Variants in CREBBP observed in about 807,000 individuals in gnomAD.
CREBBP encodes the protein CREB binding lysine acetyltransferase.
A neutral mutation model predicts 265.0 loss-of-function variants in CREBBP; 19 were observed. The ratio of observed to expected loss-of-function variants is 0.07; its 90% CI spans 0.05 to 0.11. The LOEUF (loss-of-function observed/expected upper bound fraction) is 0.11, where lower values mean the gene tolerates loss of function less well. CREBBP is among the 10% of genes least tolerant of loss of function. The pLI is 1.00. For synonymous variants in CREBBP, 1,457 were observed against 1,223.7 expected, an observed-to-expected ratio of 1.19 and a Z score of -3.98; for missense variants, 2,525 against 3,219.0, an observed-to-expected ratio of 0.78 and a Z score of 5.22.
rs1241067525 is a variant in CREBBP, at chr16:3,728,433, T to C, written c.6614A>G (p.Gln2205Arg). The C allele has an allele frequency of 1.2e-6, 2 of 1,612,184 alleles. No individual in the cohort carries two copies. The highest frequency in any genetic ancestry group is 1.7e-6 in the Non-Finnish European group (2 of 1,179,270). Residue 2205 changes from glutamine (Q) to arginine (R), a missense_variant, in exon 31 of 31, where the codon CAG (glutamine) becomes CGG (arginine). Physicochemically the swap from Gln to Arg is conservative, Grantham distance 43. Around this residue, in one of 19 missense-constraint regions of CREBBP, gnomAD observed 473 missense variants for 459.3 expected, o/e 1.03. Coordinates refer to ENST00000262367, the MANE Select transcript of CREBBP (RefSeq NM_004380.3). The surrounding 1 kb of genome is among the most constrained non-coding windows in gnomAD (Gnocchi z 8.7). ...CTGCTGTTGCTGCTGTTGTTGCTGC[T>C]GCTGTTGCTGCTGCTGCTGCAGCAG... The part of the protein sequence containing the change: ...RQLLQQQQQQ[Q>R]QQQQQQQQQQ...
rs553174565 is a variant in CREBBP at position 3,873,529 on chromosome 16, C to T, written c.85+6303G>A. On this transcript the variant is annotated intron_variant, in intron 1 of 30. Transcript: ENST00000262367. Reference sequence around the variant, plus strand: ...AGGTCTTGCTCCAATCAGACTAGCACTCCCAGTAAGTCCTAGGACTTACAA... The same window carrying T: ...AGGTCTTGCTCCAATCAGACTAGCATTCCCAGTAAGTCCTAGGACTTACAA... Among the ~76,000 whole-genome samples, 75 of 152,338 alleles carry T rather than the reference C, an allele frequency of 4.9e-4. 1 individual carries two copies. The highest frequency in any genetic ancestry group is 1.6e-3 in the African/African-American group (67 of 41,582).
At position 3,736,639 on chromosome 16, in the gene CREBBP, G is replaced by C. The variant is rs767676524; in HGVS notation, c.4560+11C>G. 2 of 1,614,208 alleles carry C rather than the reference G, an allele frequency of 1.2e-6. No homozygotes were observed. The highest frequency in any genetic ancestry group is 1.7e-6 in the Non-Finnish European group (2 of 1,180,038). On this transcript the variant is annotated intron_variant, in intron 27 of 30. Coordinates refer to ENST00000262367, the MANE Select transcript of CREBBP (RefSeq NM_004380.3). Reference sequence around the variant, plus strand: ...TGACAAAAGCCACCACCTTCCTTCAGCGCCGGGTACCTTGTAGTCATGGAT... The same window carrying C: ...TGACAAAAGCCACCACCTTCCTTCACCGCCGGGTACCTTGTAGTCATGGAT...
At chr16:3,822,322 G>C (rs531125205) in intron 2 of CREBBP, among the ~76,000 whole-genome samples, 2 of 152,136 alleles carry the variant, frequency 1.3e-5, no homozygotes, top group African/African-American at 4.8e-5. Context: ...TATAGGTAAC[G>C]CAACGGTTCA....
In CREBBP at chr16:3,803,537, T is replaced by C. The variant is rs188885053; in HGVS notation, c.975+7066A>G. On this transcript the variant is annotated intron_variant, in intron 3 of 30. Coordinates refer to ENST00000262367, the MANE Select transcript of CREBBP (RefSeq NM_004380.3). The stretch of plus-strand genomic sequence containing the variant: ...ACAACAACAAAAAAAACAAAACATC[T>C]AAATTCAATAGGGAAATAATCCAGA... Among the ~76,000 whole-genome samples, 53 of 152,076 alleles carry C rather than the reference T, an allele frequency of 3.5e-4. 1 individual carries two copies. Among genetic ancestry groups the C allele is most frequent in the African/African-American group, 1.2e-3 (49 of 41,504 alleles).
At position 3,731,128 on chromosome 16, in the gene CREBBP, A is replaced by G. The variant is rs2051902849; in HGVS notation, c.5172+64T>C. 6.4e-7 allele frequency: 1 copy of G among 1,556,278 alleles called. No individual in the cohort carries two copies. The highest frequency in any genetic ancestry group is 8.7e-7 in the Non-Finnish European group (1 of 1,143,578). On this transcript the variant is annotated intron_variant, in intron 30 of 30. Coordinates refer to ENST00000262367, the MANE Select transcript of CREBBP (RefSeq NM_004380.3). This position sits in a 1 kb window ranked among gnomAD's most constrained non-coding sequence, Gnocchi z 7.7. ...GACACCAACCCGGGCACCCATGCAA[A>G]GGGACAGGATGCTTCGTCAGACCCC... is the stretch of plus-strand genomic sequence containing the variant.
chr16:3,742,847 T>A (rs2052250072), intron 23 of CREBBP: 1 of 151,960 alleles, frequency 6.6e-6, no homozygotes, highest in Admixed American at 6.6e-5. Flanking sequence ...TGGGCTCATC[T>A]ACCGAATGCC....
chr16:3,728,101 G>C lies in CREBBP; in HGVS notation c.6946C>G (p.Pro2316Ala), dbSNP rs1423142626. 1 of 1,614,056 alleles carries C rather than the reference G, an allele frequency of 6.2e-7. No individual in the cohort carries two copies. The highest frequency in any genetic ancestry group is 8.5e-7 in the Non-Finnish European group (1 of 1,180,032). Residue 2316 changes from proline (P) to alanine (A), a missense_variant, in exon 31 of 31, where the codon CCC becomes GCC. By Grantham distance (27) the Pro-to-Ala change is conservative. This residue lies in a region of CREBBP where 473 missense variants were observed against 459.3 expected (regional missense o/e 1.03). Coordinates refer to ENST00000262367, the MANE Select transcript of CREBBP (RefSeq NM_004380.3). This position sits in a 1 kb window ranked among gnomAD's most constrained non-coding sequence, Gnocchi z 8.7. ...TGTCCTGAGAGCATGTGTTGCTGGG[G>C]GCTCATGGGGTTCGGCTGGCCTGGG... ...GSPGQPNPMS[P>A]QQHMLSGQPQ... is the part of the protein sequence containing the mutation.
Position 3,781,304 on chromosome 16 carries a change from T to A in CREBBP, c.1576A>T (p.Asn526Tyr). The A allele has an allele frequency of 6.2e-7, 1 of 1,612,952 alleles. No homozygotes were observed. Residue 526 changes from asparagine (N) to tyrosine (Y), a missense_variant and splice_region_variant, in exon 7 of 31, where the codon AAT (asparagine) becomes TAT (tyrosine). By Grantham distance (143) the Asn-to-Tyr change is moderately radical (BLOSUM62 -2). Transcript: ENST00000262367. ...QQMRTLNPLG[N>Y]NPMNIPAGGI... ...CCTGCTGGAATGTTCATTGGATTATTTCCTTTAAAGACAGAAAAGAAATCA... is the reference window on the plus strand; with the variant it reads ...CCTGCTGGAATGTTCATTGGATTATATCCTTTAAAGACAGAAAAGAAATCA...
intron 1 of CREBBP, among the ~76,000 whole-genome samples, chr16:3,869,451 G>A (rs2055247117): frequency 6.6e-6 from 1 of 152,180 alleles, no homozygotes; most frequent in Admixed American, 6.5e-5. Context: ...TTTAAAAGAT[G>A]ATCGTTTTAA....
At chr16:3,753,435 T>C (rs1299280852) in intron 19 of CREBBP, among the ~76,000 whole-genome samples, 3 of 152,232 alleles carry the variant, frequency 2.0e-5, no homozygotes, top group South Asian at 2.1e-4. Context: ...ACAGATTCAC[T>C]AGATTAATGA....
intron 21 of CREBBP, among the ~76,000 whole-genome samples, chr16:3,748,319 A>G (rs1302589734): frequency 6.6e-6 from 1 of 152,114 alleles, no homozygotes; most frequent in East Asian, 1.9e-4. Flanking sequence ...TATAAATAAT[A>G]ATGAAACTAT....
At position 3,726,536 on chromosome 16, in the gene CREBBP, C is replaced by T. The variant is rs917326198; in HGVS notation, c.*1182G>A. On this transcript the variant is annotated 3_prime_UTR_variant, in exon 31 of 31. Transcript: ENST00000262367. Reference sequence around the variant, plus strand: ...AACCACAACCGCAGCCCCAGCCTCTCCGCTATGAGCGAACAACCAGAACCA... The same window carrying T: ...AACCACAACCGCAGCCCCAGCCTCTTCGCTATGAGCGAACAACCAGAACCA... 4.3e-6 allele frequency: 1 copy of T among 233,650 alleles called. No homozygotes were observed. The highest frequency in any genetic ancestry group is 2.2e-5 in the African/African-American group (1 of 45,322). The allele number at this position is 233,650 out of a possible 1,614,324, so 14.5% of individuals were successfully genotyped here.
chr16:3,773,701 C>T (rs756974390), intron 13 of CREBBP, 50 bp downstream of exon 13: 1 of 1,590,946 alleles, frequency 6.3e-7, no homozygotes. Flanking sequence ...CAAAACTTAA[C>T]ACAAGAATTT....
intron 23 of CREBBP, chr16:3,743,436 A>C (rs2052265155): frequency 6.6e-6 from 1 of 152,332 alleles, no homozygotes; most frequent in Non-Finnish European, 1.5e-5. Flanking sequence ...CTCAGTCTCA[A>C]GTCTACAGGG....
At position 3,774,622 on chromosome 16, in the gene CREBBP, C is replaced by T; in HGVS notation, c.2230G>A (p.Ala744Thr). 1 of 1,614,182 alleles carries T rather than the reference C, an allele frequency of 6.2e-7. No homozygotes were observed. The highest frequency in any genetic ancestry group is 8.5e-7 in the Non-Finnish European group (1 of 1,180,034). Residue 744 changes from alanine to threonine, a missense_variant, in exon 12 of 31, where the codon GCC becomes ACC. This residue lies in a region of CREBBP where 548 missense variants were observed against 533.0 expected (regional missense o/e 1.03). Transcript: ENST00000262367. Reference sequence around the variant, plus strand: ...TGGACAGAGTGGTTCATTGGGGAGGCTGCACGAGGTCCCATGGGTGCTTGT... The same window carrying T: ...TGGACAGAGTGGTTCATTGGGGAGGTTGCACGAGGTCCCATGGGTGCTTGT... ...LPQAPMGPRA[A>T]SPMNHSVQMN...
At chr16:3,734,341 A>G (rs2051995724) in intron 28 of CREBBP, among the ~76,000 whole-genome samples, 1 of 152,108 alleles carries the variant, frequency 6.6e-6, no homozygotes, top group Non-Finnish European at 1.5e-5. Flanking sequence ...AACCAAACAC[A>G]CAAGGGACAG....
At chr16:3,737,370 T>A (rs893694430) in intron 26 of CREBBP, among the ~76,000 whole-genome samples, 6 of 151,948 alleles carry the variant, frequency 3.9e-5, no homozygotes, top group African/African-American at 1.5e-4. Flanking sequence ...AAAGACAAAT[T>A]CAGAGAGACA....
At chr16:3,872,155 T>C (rs931962838) in intron 1 of CREBBP, among the ~76,000 whole-genome samples, 7 of 152,134 alleles carry the variant, frequency 4.6e-5, no homozygotes, top group African/African-American at 1.7e-4. Context: ...GCTTCCTAAA[T>C]TTAGAACCAG....
At chr16:3,749,476 G>T (rs919981287) in intron 21 of CREBBP, 151 bp downstream of exon 21, 3 of 611,302 alleles carry the variant, frequency 4.9e-6, no homozygotes, top group African/African-American at 3.7e-5. Flanking sequence ...AAGTTTAAAA[G>T]AAATCTATAT....
Sources: gnomAD v4.1 joint callset for allele counts (sites outside exome capture counted in the v4.1 genomes callset) on GRCh38, gnomAD v4.1.1 for gene constraint, gnomAD v4.1.1 regional missense constraint, Gnocchi (gnomAD v3.1) non-coding constraint, MANE v1.5 for transcripts, NCBI Gene and HGNC (gene_info 2026-07-23, HGNC 2026-07-21) for gene names.